Variants in NEK9 observed in about 807,000 individuals in gnomAD.
NEK9 encodes the protein serine/threonine-protein kinase Nek9.
A neutral mutation model predicts 123.4 loss-of-function variants in NEK9; 75 were observed. The observed-to-expected ratio is 0.61, with a 90% confidence interval of 0.50 to 0.74. NEK9 has a LOEUF of 0.74. Ranked by LOEUF, NEK9 falls within the 30% of genes least tolerant of loss-of-function variation. NEK9 has a pLI of 0.00. For synonymous variants in NEK9, 438 were observed against 458.7 expected (o/e 0.95, Z 0.58); for missense variants, 952 against 1,214.4 (o/e 0.78, Z 3.21).
At chr14:75,114,691 G>T (rs1033110210) in intron 6 of NEK9, among the ~76,000 whole-genome samples, 1 of 152,010 alleles carries the variant, frequency 6.6e-6, no homozygotes, top group African/African-American at 2.4e-5. Flanking sequence ...GGCTGTACAG[G>T]CAATACTCTG....
At chr14:75,111,644 A>C (rs1894961012) in intron 8 of NEK9, among the ~76,000 whole-genome samples, 1 of 152,192 alleles carries the variant, frequency 6.6e-6, no homozygotes, top group South Asian at 2.1e-4. Flanking sequence ...TAATCCCAGT[A>C]CTTTGGGAGG....
intron 17 of NEK9, 30 bp from the exon 18 acceptor site, chr14:75,095,461 T>C: frequency 6.6e-7 from 1 of 1,507,238 alleles, no homozygotes; most frequent in African/African-American, 1.4e-5. Context: ...AGGTAAGCAC[T>C]GTATACTGAT....
intron 7 of NEK9, 74 bp downstream of exon 7, chr14:75,114,129 G>T: frequency 9.6e-7 from 1 of 1,044,118 alleles, no homozygotes. Context: ...ATGGTTTATA[G>T]CTATGCCATA....
intron 1 of NEK9, among the ~76,000 whole-genome samples, chr14:75,126,404 T>TA (rs918998247): frequency 7.6e-4 from 113 of 147,750 alleles, no homozygotes; most frequent in African/African-American, 1.7e-3. Context: ...AAGATAATCT[T>TA]AAAAAAAAAA....
Position 75,105,010 on chromosome 14 carries a change from C to T in NEK9, c.1575+940G>A, listed in dbSNP as rs1260716923. Among the ~76,000 whole-genome samples the T allele has an allele frequency of 2.0e-5, 3 of 152,164 alleles. No homozygotes were observed. In the East Asian group the frequency reaches 5.8e-4, roughly 29 times the overall value. ...CAGAAATTCAGTAGCCCTGTGGGGT[C>T]CCAATCTGGTCATTTTATAGGAGAG... On this transcript the variant is annotated intron_variant, in intron 13 of 21. Transcript: ENST00000238616.
At chr14:75,084,826 C>A in intron 21 of NEK9, 140 bp from the exon 22 acceptor site, 1 of 989,258 alleles carries the variant, frequency 1.0e-6, no homozygotes, top group Non-Finnish European at 1.5e-6. Flanking sequence ...TCTTGTGAGA[C>A]GCTCATGGCA....
intron 13 of NEK9, among the ~76,000 whole-genome samples, chr14:75,105,734 C>G (rs1894749329): frequency 6.6e-6 from 1 of 152,182 alleles, no homozygotes; most frequent in African/African-American, 2.4e-5. Flanking sequence ...TTCACAATGT[C>G]CACAGTCGCT....
chr14:75,125,651 T>A (rs760578296), intron 1 of NEK9, among the ~76,000 whole-genome samples: 6 of 152,178 alleles, frequency 3.9e-5, no homozygotes, highest in Non-Finnish European at 7.4e-5. Flanking sequence ...GAAAACAGAC[T>A]ACTAAGAATA....
At position 75,109,741 on chromosome 14, in the gene NEK9, C is replaced by CACAGACCTGCCGGGCACT; in HGVS notation, c.1108_1125dup (p.Ser370_Cys375dup). The CACAGACCTGCCGGGCACT allele has an allele frequency of 6.8e-6, 11 of 1,614,166 alleles. No homozygotes were observed. The highest frequency in any genetic ancestry group is 9.3e-6 in the Non-Finnish European group (11 of 1,180,020). On this transcript the variant is annotated inframe_insertion, in exon 10 of 22. Transcript: ENST00000238616. The stretch of plus-strand genomic sequence containing the variant: ...ACCACAGCAAAGTGGGTATTCCCTG[C>CACAGACCTGCCGGGCACT]ACAGACCTGCCGGGCACTACAGCCA...
intron 11 of NEK9, among the ~76,000 whole-genome samples, 156 bp downstream of exon 11, chr14:75,107,187 A>G (rs1176226963): frequency 6.6e-6 from 1 of 151,878 alleles, no homozygotes; most frequent in East Asian, 1.9e-4. Context: ...TACTATAGCA[A>G]ATTTGGTATG....
chr14:75,082,693 A>G lies in NEK9; in HGVS notation c.*1871T>C, dbSNP rs551737982. 3.2e-6 allele frequency: 1 copy of G among 309,910 alleles called. No homozygotes were observed. Among genetic ancestry groups the G allele is most frequent in the South Asian group, 1.6e-4 (1 of 6,232 alleles). The allele number at this position is 309,910 out of a possible 1,614,324, so 19.2% of individuals were successfully genotyped here. On this transcript the variant is annotated 3_prime_UTR_variant, in exon 22 of 22. Transcript: ENST00000238616. Reference sequence around the variant, plus strand: ...GTCCATCAGCTCCATGGCAGAAGCAATCCTCATGATGAACACCCAAACTGA... The same window carrying G: ...GTCCATCAGCTCCATGGCAGAAGCAGTCCTCATGATGAACACCCAAACTGA...
intron 12 of NEK9, 112 bp downstream of exon 12, chr14:75,106,390 T>A (rs61980809): frequency 1.3e-6 from 1 of 741,108 alleles, no homozygotes; most frequent in Non-Finnish European, 2.2e-6. Context: ...AAAAAAGATT[T>A]ACTGAATTAA....
intron 14 of NEK9, among the ~76,000 whole-genome samples, chr14:75,102,408 C>T (rs1594834757): frequency 6.6e-6 from 1 of 151,940 alleles, no homozygotes; most frequent in Admixed American, 6.6e-5. Context: ...AGTGCAGTGG[C>T]GCGGTCTCGG....
At chr14:75,106,361 G>GAAAAA (rs34426692) in intron 12 of NEK9, 141 bp downstream of exon 12, 31 of 300,568 alleles carry the variant, frequency 1.0e-4, no homozygotes, top group East Asian at 3.3e-4. Context: ...TCTGTCTCGA[G>GAAAAA]AAAAAAAAAA....
rs748975256 is a variant in NEK9 at position 75,117,307 on chromosome 14, T to C, written c.650A>G (p.Tyr217Cys). 1 of 1,610,016 alleles carries C rather than the reference T, an allele frequency of 6.2e-7. No homozygotes were observed. The highest frequency in any genetic ancestry group is 8.5e-7 in the Non-Finnish European group (1 of 1,178,904). Residue 217 changes from tyrosine (Y) to cysteine (C), a missense_variant, in exon 6 of 22, where the codon TAC becomes TGC. By Grantham distance (194) the Tyr-to-Cys change is radical. Transcript: ENST00000238616. ...TCCTTGACAGAGCTCTGGAGACATGTAATATGGGGTTCCCACAAGCTGAGC... is the reference window on the plus strand; with the variant it reads ...TCCTTGACAGAGCTCTGGAGACATGCAATATGGGGTTCCCACAAGCTGAGC... ...MAETLVGTPY[Y>C]MSPELCQGVK...
At chr14:75,092,024 G>C (rs1894233786) in intron 18 of NEK9, among the ~76,000 whole-genome samples, 1 of 152,062 alleles carries the variant, frequency 6.6e-6, no homozygotes, top group African/African-American at 2.4e-5. Context: ...CTGTTGCTCA[G>C]GCTGGAGTGC....
At chr14:75,089,003 T>A (rs1363032927) in intron 19 of NEK9, among the ~76,000 whole-genome samples, 1 of 152,232 alleles carries the variant, frequency 6.6e-6, no homozygotes, top group Non-Finnish European at 1.5e-5. Flanking sequence ...AGCATGCTGC[T>A]TCCTCTGTTC....
chr14:75,088,681 T>C, intron 19 of NEK9, 40 bp from the exon 20 acceptor site: 1 of 1,582,526 alleles, frequency 6.3e-7, no homozygotes, highest in East Asian at 2.2e-5. Flanking sequence ...CTGTTTGCAG[T>C]ATTTGCTTCC....
At chr14:75,111,079 A>G (rs185095261) in intron 8 of NEK9, among the ~76,000 whole-genome samples, 17 of 152,316 alleles carry the variant, frequency 1.1e-4, no homozygotes, top group Non-Finnish European at 2.4e-4. Context: ...TTCCTTAGGT[A>G]TGCCTCTCAT....
Sources: allele counts gnomAD v4.1 joint callset (sites outside exome capture counted in the v4.1 genomes callset), GRCh38; gene constraint gnomAD v4.1.1; transcripts MANE v1.5; gene names NCBI Gene and HGNC (gene_info 2026-07-23, HGNC 2026-07-21).